Variants in LINGO2 observed in about 807,000 individuals in gnomAD.
The protein encoded by LINGO2 is leucine-rich repeat and immunoglobulin-like domain-containing nogo receptor-interacting protein 2.
LINGO2 carries 14 observed loss-of-function variants against 30.6 expected under a neutral mutation model. The ratio of observed to expected loss-of-function variants is 0.46; its 90% CI spans 0.30 to 0.72. The LOEUF is 0.72. Ranked by LOEUF, LINGO2 falls within the 30% of genes least tolerant of loss-of-function variation. The pLI, the probability that LINGO2 is intolerant of heterozygous loss-of-function variation, is 0.07. For synonymous variants in LINGO2, 317 were observed against 288.5 expected (o/e 1.10, Z -1.00); for missense variants, 729 against 751.7 (o/e 0.97, Z 0.35).
At chr9:28,441,053 T>A (rs539424383) in intron 2 of LINGO2, among the ~76,000 whole-genome samples, 39 of 152,226 alleles carry the variant, frequency 2.6e-4, no homozygotes, top group African/African-American at 8.9e-4. Context: ...TCCACCCTCA[T>A]GAATTGATTC....
At chr9:28,498,509 G>A (rs1006910159) in intron 1 of LINGO2, among the ~76,000 whole-genome samples, 1 of 152,196 alleles carries the variant, frequency 6.6e-6, no homozygotes, top group African/African-American at 2.4e-5. Context: ...CATTGGAAAG[G>A]ACAGTAGAAG....
Position 28,561,749 on chromosome 9 carries a change from G to GTGTGTATGTATATA in LINGO2, c.-364-85725_-364-85724insTATATACATACACA, listed in dbSNP as rs772157537. Reference sequence around the variant, plus strand: ...TATATATAATTTTGTGTGTGTGTGTGTATATATATATATATATATATATAT... The same window carrying GTGTGTATGTATATA: ...TATATATAATTTTGTGTGTGTGTGTGTGTGTATGTATATATATATATATATATATATATATATAT... On this transcript the variant is annotated intron_variant, in intron 1 of 5. Transcript: ENST00000379992. Among the ~76,000 whole-genome samples, 5 of 48,754 alleles carry GTGTGTATGTATATA rather than the reference G, an allele frequency of 1.0e-4. 1 individual carries two copies. The highest frequency in any genetic ancestry group is 1.8e-4 in the Non-Finnish European group (5 of 27,682). The allele number at this position is 48,754 out of a possible 152,430, so 32.0% of individuals were successfully genotyped here. A position where few individuals can be genotyped will look rare whatever the true frequency, so the allele number is the denominator to read the frequency against.
chr9:28,321,251 C>T (rs914753008), intron 3 of LINGO2, among the ~76,000 whole-genome samples: 2 of 152,042 alleles, frequency 1.3e-5, no homozygotes, highest in African/African-American at 4.8e-5. Flanking sequence ...AATCAAGAAG[C>T]CAGAGACCTG....
the LINGO2 span, among the ~76,000 whole-genome samples, chr9:28,811,958 T>C: frequency 2.3e-4 from 35 of 152,284 alleles, no homozygotes; most frequent in African/African-American, 7.9e-4. Context: ...GCAATATGTA[T>C]TCATTGAATA....
intron 4 of LINGO2, among the ~76,000 whole-genome samples, chr9:28,141,866 C>T (rs780968408): frequency 5.3e-5 from 8 of 152,172 alleles, no homozygotes; most frequent in Non-Finnish European, 2.9e-5. Flanking sequence ...GAGCCGAGAT[C>T]GCGCCATTGC....
chr9:29,116,714 T>C, the LINGO2 span, among the ~76,000 whole-genome samples: 2 of 151,412 alleles, frequency 1.3e-5, no homozygotes, highest in Non-Finnish European at 2.9e-5. Context: ...AATGACAGTC[T>C]TGACAAAGCA....
the LINGO2 span, among the ~76,000 whole-genome samples, chr9:29,016,828 C>T: frequency 2.0e-5 from 3 of 152,118 alleles, no homozygotes; most frequent in African/African-American, 7.2e-5. Context: ...AAAAACTCAA[C>T]GATTTACCCC....
At chr9:29,135,761 A>G in the LINGO2 span, among the ~76,000 whole-genome samples, 1 of 152,074 alleles carries the variant, frequency 6.6e-6, no homozygotes, top group Admixed American at 6.6e-5. Flanking sequence ...CTATATACCC[A>G]TTAAACAACT....
intron 4 of LINGO2, among the ~76,000 whole-genome samples, chr9:28,216,551 C>T (rs1587245759): frequency 6.6e-6 from 1 of 151,936 alleles, no homozygotes; most frequent in South Asian, 2.1e-4. Flanking sequence ...ACATAACCAT[C>T]ACTACAGATA....
intron 3 of LINGO2, among the ~76,000 whole-genome samples, chr9:28,300,126 GAAAAA>G (rs11306826): frequency 2.3e-5 from 3 of 132,000 alleles, no homozygotes; most frequent in Middle Eastern, 3.8e-3. Context: ...TTTTCTAATG[GAAAAA>G]AAAAAAAAAA....
the LINGO2 span, among the ~76,000 whole-genome samples, chr9:28,832,065 C>T: frequency 6.6e-6 from 1 of 152,014 alleles, no homozygotes; most frequent in African/African-American, 2.4e-5. Context: ...TTATTTTTCT[C>T]AAGTTTAATT....
At chr9:28,186,804 A>G (rs1819557685) in intron 4 of LINGO2, among the ~76,000 whole-genome samples, 1 of 152,146 alleles carries the variant, frequency 6.6e-6, no homozygotes. Context: ...ACAAGCAGCA[A>G]GAGGACCAGG....
intron 2 of LINGO2, among the ~76,000 whole-genome samples, chr9:28,472,295 T>C (rs74896380): frequency 0.016 from 2,458 of 151,688 alleles, 61 homozygotes; most frequent in African/African-American, 0.056. Flanking sequence ...AATTACTTCT[T>C]ATTCCACTAG....
chr9:28,274,393 A>G (rs1383589376), intron 4 of LINGO2, among the ~76,000 whole-genome samples: 2 of 152,210 alleles, frequency 1.3e-5, no homozygotes, highest in African/African-American at 4.8e-5. Flanking sequence ...GGTTAAACTG[A>G]CATCAAGATA....
the LINGO2 span, among the ~76,000 whole-genome samples, chr9:29,205,847 C>T: frequency 6.6e-6 from 1 of 152,182 alleles, no homozygotes; most frequent in African/African-American, 2.4e-5. Context: ...CAGAATAGTT[C>T]CATTGTCCCA....
rs1219744869 is a variant in LINGO2 at position 28,525,684 on chromosome 9, A to G, written c.-364-49659T>C. 2.0e-5 allele frequency among the ~76,000 whole-genome samples: 3 copies of G among 152,294 alleles called. No individual in the cohort carries two copies. In the East Asian group the frequency reaches 5.8e-4, roughly 29 times the overall value. On this transcript the variant is annotated intron_variant, in intron 1 of 5. Transcript: ENST00000379992. ...TGTATGTGAGGGAGGCAACAGAGTG[A>G]CTTATTTTGAGATGGTGACATTTTC...
At chr9:28,646,305 G>GA (rs1827835015) in intron 1 of LINGO2, among the ~76,000 whole-genome samples, 2 of 152,172 alleles carry the variant, frequency 1.3e-5, no homozygotes, top group Admixed American at 6.6e-5. Context: ...AATCTCATTT[G>GA]AAGCTAGAGA....
chr9:28,752,630 T>C, the LINGO2 span, among the ~76,000 whole-genome samples: 1 of 152,098 alleles, frequency 6.6e-6, no homozygotes, highest in East Asian at 1.9e-4. Flanking sequence ...AGTGAGTATT[T>C]CAATAGTCTT....
chr9:28,062,699 A>T (rs888163615), intron 4 of LINGO2, among the ~76,000 whole-genome samples: 2 of 148,774 alleles, frequency 1.3e-5, no homozygotes, highest in African/African-American at 4.9e-5. Flanking sequence ...GTATATATAT[A>T]TACAAAATTT....
Sources: gnomAD v4.1 joint callset for allele counts (sites outside exome capture counted in the v4.1 genomes callset) on GRCh38, gnomAD v4.1.1 for gene constraint, MANE v1.5 for transcripts, NCBI Gene and HGNC (gene_info 2026-07-23, HGNC 2026-07-21) for gene names.